Variants in SLCO1B3 observed in about 807,000 individuals in gnomAD.
SLCO1B3 encodes liver-specific organic anion transporter 2.
SLCO1B3 carries 72 observed loss-of-function variants against 71.8 expected under a neutral mutation model. The observed-to-expected ratio is 1.00, with a 90% CI of 0.83 to 1.22. The LOEUF is 1.22. SLCO1B3 is among the 50% of genes most tolerant of loss of function. SLCO1B3 has a pLI of 0.00. For synonymous variants in SLCO1B3, 298 were observed against 278.4 expected, an observed-to-expected ratio of 1.07 and a Z score of -0.70; for missense variants, 911 against 819.7, an observed-to-expected ratio of 1.11 and a Z score of -1.36.
At chr12:20,860,931 A>C (rs2121247107) in intron 5 of SLCO1B3, 86 bp from the exon 6 acceptor site, 1 of 1,339,814 alleles carries the variant, frequency 7.5e-7, no homozygotes, top group East Asian at 2.5e-5. Flanking sequence ...CGGTTCAAAT[A>C]AAGGAGAAAA....
At chr12:20,859,203 G>T (rs12582527) in intron 5 of SLCO1B3, among the ~76,000 whole-genome samples, 9,532 of 152,252 alleles carry the variant, frequency 0.063, 379 homozygotes, top group East Asian at 0.18. Context: ...CAAGAACAAA[G>T]AGTGCACACA....
intron 3 of SLCO1B3, among the ~76,000 whole-genome samples, chr12:20,825,789 A>T (rs1864407469): frequency 7.7e-6 from 1 of 129,220 alleles, no homozygotes; most frequent in Non-Finnish European, 1.6e-5. Flanking sequence ...ACAGAGCAAG[A>T]CTCTGTCTCA....
At chr12:20,901,272 A>G in intron 14 of SLCO1B3, 78 bp from the exon 15 acceptor site, 2 of 932,232 alleles carry the variant, frequency 2.1e-6, no homozygotes, top group South Asian at 1.6e-5. Context: ...TTAATCCAAA[A>G]TGTATCAATA....
intron 12 of SLCO1B3, among the ~76,000 whole-genome samples, chr12:20,883,118 C>A (rs551509675): frequency 1.3e-5 from 2 of 152,120 alleles, no homozygotes; most frequent in Non-Finnish European, 2.9e-5. Flanking sequence ...GTCCCTAATA[C>A]TTAGAACCTG....
chr12:20,849,283 T>G (rs1035947787), intron 3 of SLCO1B3, among the ~76,000 whole-genome samples: 1 of 151,936 alleles, frequency 6.6e-6, no homozygotes. Context: ...CTCAAAGGAA[T>G]GCAATATATT....
intron 3 of SLCO1B3, among the ~76,000 whole-genome samples, chr12:20,832,124 AC>A (rs1373137731): frequency 6.6e-6 from 1 of 152,130 alleles, no homozygotes; most frequent in African/African-American, 2.4e-5. Context: ...TGCTATTAGT[AC>A]CTTTAAGCGG....
chr12:20,843,336 A>G (rs1167030942), intron 3 of SLCO1B3, among the ~76,000 whole-genome samples: 3 of 152,070 alleles, frequency 2.0e-5, no homozygotes, highest in African/African-American at 7.2e-5. Flanking sequence ...TTCTTGTTTT[A>G]TTGAAGTATA....
intron 6 of SLCO1B3, among the ~76,000 whole-genome samples, chr12:20,861,610 A>T (rs1865266668): frequency 6.6e-6 from 1 of 152,132 alleles, no homozygotes; most frequent in South Asian, 2.1e-4. Flanking sequence ...AAGTGGTAGA[A>T]ATATGTGAAT....
At chr12:20,833,573 T>G (rs1206291938) in intron 3 of SLCO1B3, among the ~76,000 whole-genome samples, 2 of 148,578 alleles carry the variant, frequency 1.3e-5, no homozygotes, top group African/African-American at 4.9e-5. Context: ...TATATATACA[T>G]GAATATATAC....
chr12:20,894,870 C>A (rs970358168), intron 13 of SLCO1B3, among the ~76,000 whole-genome samples: 6 of 152,066 alleles, frequency 3.9e-5, no homozygotes, highest in South Asian at 2.1e-4. Context: ...CAAGACTGAG[C>A]AGTTTACAAA....
At chr12:20,812,151 C>T (rs1169943222) in intron 1 of SLCO1B3, among the ~76,000 whole-genome samples, 1 of 152,050 alleles carries the variant, frequency 6.6e-6, no homozygotes, top group Admixed American at 6.6e-5. Context: ...AGGTGATCTG[C>T]CCGCCTCGGC....
intron 7 of SLCO1B3, 97 bp from the exon 8 acceptor site, chr12:20,862,659 T>C (rs1414564240): frequency 1.4e-6 from 2 of 1,441,362 alleles, no homozygotes; most frequent in Non-Finnish European, 1.9e-6. Context: ...AGAAAAATAT[T>C]TGCAGAAGTG....
intron 15 of SLCO1B3, among the ~76,000 whole-genome samples, chr12:20,910,273 G>T (rs910117345): frequency 6.6e-6 from 1 of 152,036 alleles, no homozygotes; most frequent in Non-Finnish European, 1.5e-5. Flanking sequence ...ATTTAAGTGG[G>T]TCTATTTCTG....
rs137980178 is a variant in SLCO1B3 at position 20,819,444 on chromosome 12, C to T, written c.84+3622C>T. Reference sequence around the variant, plus strand: ...GTGTCAGGGTCAGTCCAAGTGAAAGCGAAGAGAGGCTTGGATGACTGGTGC... The same window carrying T: ...GTGTCAGGGTCAGTCCAAGTGAAAGTGAAGAGAGGCTTGGATGACTGGTGC... On this transcript the variant is annotated intron_variant, in intron 3 of 15. Transcript: ENST00000381545. Among the ~76,000 whole-genome samples, 254 of 152,040 alleles carry T rather than the reference C, an allele frequency of 1.7e-3. 4 individuals carry two copies. In the East Asian group the frequency reaches 0.025, roughly 15 times the overall value.
chr12:20,893,449 C>T (rs1865942739), intron 13 of SLCO1B3, among the ~76,000 whole-genome samples: 1 of 152,110 alleles, frequency 6.6e-6, no homozygotes, highest in African/African-American at 2.4e-5. Flanking sequence ...TAGGGTGGTG[C>T]ACTTCTTCTT....
chr12:20,813,989 A>G (rs1371940551), intron 2 of SLCO1B3, among the ~76,000 whole-genome samples: 1 of 152,180 alleles, frequency 6.6e-6, no homozygotes, highest in Non-Finnish European at 1.5e-5. Flanking sequence ...TAACATTGAT[A>G]TTTACATACT....
rs1345116079 is a variant in SLCO1B3, at chr12:20,877,780, C to T, written c.979C>T (p.Gln327Ter). 2.8e-6 allele frequency: 4 copies of T among 1,411,614 alleles called. No individual in the cohort carries two copies. The highest frequency in any genetic ancestry group is 3.7e-6 in the Non-Finnish European group (4 of 1,066,968). The allele number at this position is 1,411,614 out of a possible 1,614,324, so 87.4% of individuals were successfully genotyped here. The change falls in exon 10 of 16, where the codon CAG becomes TAG. Residue 327 changes from glutamine (Q) to a stop codon, truncating the protein, a stop_gained. Transcript: ENST00000381545. LOFTEE classifies it high-confidence loss of function. ...NVTKNVTGFF[Q>*]SLKSILTNPL... ...TTTTTATAACTCTATAGGTTTTTTC[C>T]AGTCTTTGAAAAGCATCCTTACCAA...
intron 3 of SLCO1B3, among the ~76,000 whole-genome samples, chr12:20,848,355 A>T (rs1185192934): frequency 6.6e-6 from 1 of 152,200 alleles, no homozygotes; most frequent in Non-Finnish European, 1.5e-5. Context: ...AAATATGAGG[A>T]GCAACCAGAA....
At chr12:20,909,120 A>G (rs1044980970) in intron 15 of SLCO1B3, among the ~76,000 whole-genome samples, 2 of 147,642 alleles carry the variant, frequency 1.4e-5, no homozygotes, top group Non-Finnish European at 3.0e-5. Context: ...TTAAATGTGC[A>G]TTTGCTTGAT....
Sources: gnomAD v4.1 joint callset for allele counts (sites outside exome capture counted in the v4.1 genomes callset) on GRCh38, gnomAD v4.1.1 for gene constraint, MANE v1.5 for transcripts, NCBI Gene and HGNC (gene_info 2026-07-23, HGNC 2026-07-21) for gene names.